MACROD2: variants seen among roughly 807,000 people sequenced by gnomAD.
The protein encoded by MACROD2 is mono-ADP ribosylhydrolase 2.
Under a neutral mutation model 70.4 loss-of-function variants are expected in MACROD2, and 36 were observed. The observed-to-expected ratio is 0.51, with a 90% CI of 0.39 to 0.68. The LOEUF (loss-of-function observed/expected upper bound fraction) is 0.68, where lower values mean the gene tolerates loss of function less well. Ranked by LOEUF, MACROD2 falls within the 30% of genes least tolerant of loss-of-function variation. MACROD2 has a pLI of 0.00. For synonymous variants in MACROD2, 172 were observed against 178.8 expected (o/e 0.96, Z 0.30); for missense variants, 496 against 538.4 (o/e 0.92, Z 0.78).
At chr20:14,741,627 T>C (rs2071733520) in intron 5 of MACROD2, among the ~76,000 whole-genome samples, 1 of 152,276 alleles carries the variant, frequency 6.6e-6, no homozygotes, top group South Asian at 2.1e-4. Flanking sequence ...GATATAGGAA[T>C]GATCAAAATT....
intron 5 of MACROD2, among the ~76,000 whole-genome samples, chr20:14,971,278 C>A (rs75649684): frequency 0.022 from 3,338 of 151,970 alleles, 130 homozygotes; most frequent in African/African-American, 0.075. Flanking sequence ...TAACCGTCAC[C>A]TTAAGAGGTG....
At position 16,050,124 on chromosome 20, in the gene MACROD2, C is replaced by A; in HGVS notation, c.*248C>A. The stretch of plus-strand genomic sequence containing the variant: ...GTTGACGCATCTTTCAGGCATTATC[C>A]TTGTAATTTCTGTCTTTTCTCTTAC... On this transcript the variant is annotated 3_prime_UTR_variant, in exon 18 of 18. Transcript: ENST00000684519. 2.7e-6 allele frequency: 1 copy of A among 366,080 alleles called. No individual in the cohort carries two copies. The highest frequency in any genetic ancestry group is 5.0e-6 in the Non-Finnish European group (1 of 198,502). 22.7% of individuals were successfully genotyped at this position (366,080 alleles called of 1,614,324 possible).
intron 7 of MACROD2, among the ~76,000 whole-genome samples, chr20:15,480,780 C>T (rs1568838193): frequency 6.6e-6 from 1 of 152,158 alleles, no homozygotes; most frequent in African/African-American, 2.4e-5. Context: ...CCTTCCCACC[C>T]CTGCGTTGAT....
At chr20:14,193,038 A>G (rs377061283) in intron 3 of MACROD2, among the ~76,000 whole-genome samples, 9 of 152,242 alleles carry the variant, frequency 5.9e-5, no homozygotes, top group Non-Finnish European at 8.8e-5. Flanking sequence ...CCTCATCTAA[A>G]TAGGGGGCTC....
chr20:15,043,032 C>A (rs2075367241), intron 5 of MACROD2, among the ~76,000 whole-genome samples: 1 of 152,066 alleles, frequency 6.6e-6, no homozygotes, highest in Non-Finnish European at 1.5e-5. Context: ...TGAAAGGGAC[C>A]CAGCTGTTCC....
rs149393474 is a variant in MACROD2, at chr20:15,764,628, C to T, written c.646-98117C>T. On this transcript the variant is annotated intron_variant, in intron 8 of 17. Transcript: ENST00000684519. ...TTTATTATTAAAATACGTCTTCTTC[C>T]GATGCCACCACCATAGTTCAAAACA... Among the ~76,000 whole-genome samples, 39 of 152,228 alleles carry T rather than the reference C, an allele frequency of 2.6e-4. No individual in the cohort carries two copies. The East Asian group carries it at 6.8e-3, about 26-fold the overall frequency.
At chr20:15,454,658 T>TGCAAAAGATATACTTTGAA (rs1452263979) in intron 7 of MACROD2, among the ~76,000 whole-genome samples, 2 of 129,574 alleles carry the variant, frequency 1.5e-5, no homozygotes, top group Admixed American at 1.7e-4. Flanking sequence ...TTTCCAGCAG[T>TGCAAAAGATATACTTTGAA]CACGCTGGCT....
At chr20:15,589,232 A>G (rs1407286750) in intron 8 of MACROD2, among the ~76,000 whole-genome samples, 1 of 152,202 alleles carries the variant, frequency 6.6e-6, no homozygotes, top group Non-Finnish European at 1.5e-5. Context: ...ACTGGCCCCT[A>G]TGATTCAATT....
rs115705284 is a variant in MACROD2 at position 15,043,785 on chromosome 20, C to T, written c.419-186155C>T. On this transcript the variant is annotated intron_variant, in intron 5 of 17. Transcript: ENST00000684519. Reference sequence around the variant, plus strand: ...CCAACCAGCTGATCAGAGGTTCCCACGACACTCTCCTCGGGTTTGATATTT... The same window carrying T: ...CCAACCAGCTGATCAGAGGTTCCCATGACACTCTCCTCGGGTTTGATATTT... Among the ~76,000 whole-genome samples the T allele has an allele frequency of 7.9e-3, 1,202 of 152,236 alleles. 20 individuals carry two copies. The highest frequency in any genetic ancestry group is 0.027 in the African/African-American group (1,134 of 41,540).
intron 10 of MACROD2, among the ~76,000 whole-genome samples, chr20:15,926,245 C>G (rs572535564): frequency 2.6e-5 from 4 of 152,288 alleles, no homozygotes; most frequent in Admixed American, 1.3e-4. Flanking sequence ...GAACCTCATG[C>G]TTCATAAGTA....
intron 8 of MACROD2, among the ~76,000 whole-genome samples, chr20:15,549,173 T>C (rs1282140583): frequency 7.2e-5 from 11 of 152,252 alleles, no homozygotes; most frequent in Admixed American, 7.2e-4. Context: ...AAAAACAATA[T>C]ATGACTGAGT....
intron 7 of MACROD2, among the ~76,000 whole-genome samples, chr20:15,459,290 C>T (rs2046776095): frequency 6.6e-6 from 1 of 152,068 alleles, no homozygotes; most frequent in Non-Finnish European, 1.5e-5. Context: ...TCTCCTATCT[C>T]CTGCCCCCTC....
At chr20:14,698,465 G>A (rs2071152676) in intron 5 of MACROD2, among the ~76,000 whole-genome samples, 1 of 152,084 alleles carries the variant, frequency 6.6e-6, no homozygotes, top group Admixed American at 6.5e-5. Flanking sequence ...CACTGAACAT[G>A]GTTAGCTGTT....
chr20:15,434,626 C>T (rs1047007485), intron 7 of MACROD2, among the ~76,000 whole-genome samples: 1 of 152,064 alleles, frequency 6.6e-6, no homozygotes, highest in East Asian at 1.9e-4. Flanking sequence ...CCTTAAAGAG[C>T]TCAAAATAGA....
At chr20:15,142,911 T>C (rs1256312599) in intron 5 of MACROD2, among the ~76,000 whole-genome samples, 3 of 152,220 alleles carry the variant, frequency 2.0e-5, no homozygotes, top group Non-Finnish European at 2.9e-5. Flanking sequence ...CAGTCTATCA[T>C]TGATGGCCAT....
At chr20:14,702,535 T>C (rs1256982470) in intron 5 of MACROD2, among the ~76,000 whole-genome samples, 1 of 146,790 alleles carries the variant, frequency 6.8e-6, no homozygotes, top group Non-Finnish European at 1.5e-5. Flanking sequence ...TCACTAAACA[T>C]TACATATGTG....
chr20:14,352,493 G>C (rs909079931), intron 3 of MACROD2: 1 of 152,068 alleles, frequency 6.6e-6, no homozygotes, highest in Non-Finnish European at 1.5e-5. Flanking sequence ...TAACTTCTTT[G>C]AGGTAAAACT....
intron 8 of MACROD2, among the ~76,000 whole-genome samples, chr20:15,782,311 A>G (rs907757317): frequency 2.6e-5 from 4 of 152,252 alleles, no homozygotes; most frequent in East Asian, 1.9e-4. Flanking sequence ...GTTGCTTAAA[A>G]CAACAAATAC....
intron 5 of MACROD2, among the ~76,000 whole-genome samples, chr20:15,149,717 G>T (rs2076255589): frequency 6.6e-6 from 1 of 152,054 alleles, no homozygotes; most frequent in Non-Finnish European, 1.5e-5. Flanking sequence ...AGACATGATG[G>T]CCAGCCTAAA....
Sources: allele counts gnomAD v4.1 joint callset (sites outside exome capture counted in the v4.1 genomes callset), GRCh38; gene constraint gnomAD v4.1.1; transcripts MANE v1.5; gene names NCBI Gene and HGNC (gene_info 2026-07-23, HGNC 2026-07-21).